Variants in FMN1 observed in about 807,000 individuals in gnomAD.
The protein encoded by FMN1 is formin-1.
A neutral mutation model predicts 132.4 loss-of-function variants in FMN1; 110 were observed. The observed-to-expected ratio is 0.83, with a 90% CI of 0.71 to 0.97. FMN1 has a LOEUF of 0.97. FMN1 is among the 50% of genes least tolerant of loss of function. The pLI is 0.00. For missense variants in FMN1, 1,792 were observed against 1,705.3 expected, an observed-to-expected ratio of 1.05 and a Z score of -0.90; for synonymous variants, 722 against 651.7, an observed-to-expected ratio of 1.11 and a Z score of -1.64.
In FMN1 at chr15:32,774,236, C is replaced by A; in HGVS notation, c.*74G>T. On this transcript the variant is annotated 3_prime_UTR_variant, in exon 21 of 21. Coordinates refer to ENST00000616417, the MANE Select transcript of FMN1 (RefSeq NM_001277313.2). ...TGACACATCTTTCAAGAACGTCCTG[C>A]AACCCTGTGGTCACAAAGAGTATGC... 1 of 1,169,326 alleles carries A rather than the reference C, an allele frequency of 8.6e-7. No individual in the cohort carries two copies. The highest frequency in any genetic ancestry group is 1.4e-5 in the South Asian group (1 of 73,300). 72.4% of individuals were successfully genotyped at this position (1,169,326 alleles called of 1,614,324 possible). A position where few individuals can be genotyped will look rare whatever the true frequency, so the allele number is the denominator to read the frequency against.
chr15:33,024,204 A>C (rs2035557005), intron 6 of FMN1, among the ~76,000 whole-genome samples: 1 of 142,526 alleles, frequency 7.0e-6, no homozygotes, highest in African/African-American at 2.6e-5. Context: ...TACAGGGAAT[A>C]CTATTTCACA....
chr15:33,046,286 T>C (rs1373075573), intron 6 of FMN1, among the ~76,000 whole-genome samples: 2 of 152,142 alleles, frequency 1.3e-5, no homozygotes, highest in East Asian at 3.8e-4. Flanking sequence ...AAAATGTTAA[T>C]AAAGATAACT....
intron 5 of FMN1, among the ~76,000 whole-genome samples, chr15:33,083,633 CT>C (rs1381661959): frequency 6.6e-6 from 1 of 152,152 alleles, no homozygotes; most frequent in East Asian, 1.9e-4. Context: ...CATTTGTATC[CT>C]TTAAAAATAT....
intron 17 of FMN1, among the ~76,000 whole-genome samples, chr15:32,841,872 G>C (rs1173320991): frequency 6.6e-6 from 1 of 152,108 alleles, no homozygotes; most frequent in African/African-American, 2.4e-5. Context: ...AAGCACAAAT[G>C]GTCAGTTTTA....
rs140114914 is a variant in FMN1 at position 32,953,049 on chromosome 15, T to C, written c.3138+11058A>G. ...GCTCTCCCACTCACATGTAAGGGGC[T>C]TGGCGGCTAAGAAATCCAGCTGGAA... On this transcript the variant is annotated intron_variant, in intron 9 of 20. Coordinates refer to ENST00000616417, the MANE Select transcript of FMN1 (RefSeq NM_001277313.2). Among the ~76,000 whole-genome samples the C allele has an allele frequency of 6.6e-5, 10 of 152,336 alleles. No individual in the cohort carries two copies. In the East Asian group the frequency reaches 1.7e-3, roughly 27 times the overall value.
In FMN1 at chr15:33,088,976, T is replaced by TA. The variant is rs1370925588; in HGVS notation, c.1868-3dup. 3.9e-6 allele frequency: 6 copies of TA among 1,529,362 alleles called. No homozygotes were observed. In the East Asian group the frequency reaches 1.5e-4, roughly 37 times the overall value. 94.7% of individuals were successfully genotyped at this position (1,529,362 alleles called of 1,614,324 possible). The stretch of plus-strand genomic sequence containing the variant: ...AGGGAAAGCCCTCAGAGGAGATACC[T>TA]AAACAAACACAGAGAAGGCCATCAG... On this transcript the variant is annotated splice_polypyrimidine_tract_variant and splice_region_variant and intron_variant, in intron 4 of 20. Transcript: ENST00000616417.
intron 7 of FMN1, among the ~76,000 whole-genome samples, chr15:33,004,533 A>G (rs111630624): frequency 0.03 from 4,566 of 152,306 alleles, 233 homozygotes; most frequent in African/African-American, 0.1. Context: ...TAAAGTCAGG[A>G]AACAACAGGT....
At chr15:32,775,649 G>A (rs2056392297) in intron 20 of FMN1, among the ~76,000 whole-genome samples, 1 of 152,172 alleles carries the variant, frequency 6.6e-6, no homozygotes, top group Non-Finnish European at 1.5e-5. Context: ...CTCAACCATG[G>A]CTTTCCCCGA....
chr15:32,887,370 GTATT>G (rs2059921130), intron 16 of FMN1, among the ~76,000 whole-genome samples: 1 of 152,098 alleles, frequency 6.6e-6, no homozygotes, highest in Non-Finnish European at 1.5e-5. Flanking sequence ...TCCAAGGCAA[GTATT>G]TATATTCTTG....
At chr15:33,078,643 A>AC (rs1303818980) in intron 5 of FMN1, among the ~76,000 whole-genome samples, 1 of 135,282 alleles carries the variant, frequency 7.4e-6, no homozygotes, top group Non-Finnish European at 1.6e-5. Flanking sequence ...CCAAAAGGCA[A>AC]CAAAAAAAAA....
At position 32,953,227 on chromosome 15, in the gene FMN1, TTCTGGCAGGGGCC is replaced by T. The variant is rs1353047314; in HGVS notation, c.3138+10867_3138+10879del. On this transcript the variant is annotated intron_variant, in intron 9 of 20. Transcript: ENST00000616417. ...TGGCAGAGCTGTGGCTTTTCGTAAC[TTCTGGCAGGGGCC>T]TCGCTGACCCATAACATGACGACAC... Among the ~76,000 whole-genome samples the T allele has an allele frequency of 3.9e-5, 6 of 152,348 alleles. No homozygotes were observed. In the East Asian group the frequency reaches 9.6e-4, roughly 24 times the overall value.
intron 10 of FMN1, among the ~76,000 whole-genome samples, chr15:32,923,655 A>C (rs946949779): frequency 6.6e-6 from 1 of 152,198 alleles, no homozygotes; most frequent in Non-Finnish European, 1.5e-5. Context: ...TATCTAGAGT[A>C]TAACATTGGA....
intron 16 of FMN1, among the ~76,000 whole-genome samples, chr15:32,879,659 C>G (rs533067181): frequency 6.6e-6 from 1 of 151,420 alleles, no homozygotes; most frequent in African/African-American, 2.4e-5. Context: ...GAAGTATGAT[C>G]GGCTCCATTT....
chr15:32,914,655 T>C (rs116513024), intron 10 of FMN1, among the ~76,000 whole-genome samples: 1,703 of 152,320 alleles, frequency 0.011, 31 homozygotes, highest in African/African-American at 0.039. Context: ...GAATCTATTG[T>C]AATGGGCAAG....
intron 17 of FMN1, among the ~76,000 whole-genome samples, chr15:32,814,549 A>T (rs563663713): frequency 1.2e-3 from 182 of 152,328 alleles, no homozygotes; most frequent in Non-Finnish European, 1.9e-3. Flanking sequence ...AAAGAAGCTA[A>T]ATTTTTAAAA....
At chr15:33,029,637 C>G (rs1382761438) in intron 6 of FMN1, among the ~76,000 whole-genome samples, 2 of 151,950 alleles carry the variant, frequency 1.3e-5, no homozygotes, top group Non-Finnish European at 2.9e-5. Flanking sequence ...CACATGGCTG[C>G]TATAGAAGGC....
chr15:32,899,492 G>C (rs1381492165), intron 14 of FMN1, among the ~76,000 whole-genome samples: 3 of 152,194 alleles, frequency 2.0e-5, no homozygotes, highest in Admixed American at 1.3e-4. Flanking sequence ...TTTCTAAAGA[G>C]GTAGCGCCAC....
rs922277052 is a variant in FMN1 at position 32,979,517 on chromosome 15, T to C, written c.2224-10040A>G. On this transcript the variant is annotated intron_variant, in intron 7 of 20. Coordinates refer to ENST00000616417, the MANE Select transcript of FMN1 (RefSeq NM_001277313.2). ...CTTGTAGTGAGCGGAGATTGTGCCA[T>C]TGCACTGCAGCCTGCGCAACAGAGC... Among the ~76,000 whole-genome samples, 16 of 142,908 alleles carry C rather than the reference T, an allele frequency of 1.1e-4. No individual in the cohort carries two copies. The East Asian group carries it at 1.6e-3, about 15-fold the overall frequency. The allele number at this position is 142,908 out of a possible 152,430, so 93.8% of individuals were successfully genotyped here.
chr15:32,775,681 T>C (rs1213347992), intron 20 of FMN1, among the ~76,000 whole-genome samples: 1 of 152,224 alleles, frequency 6.6e-6, no homozygotes, highest in African/African-American at 2.4e-5. Flanking sequence ...AGCCCGGACT[T>C]CTCCATTTCT....
Sources: allele counts gnomAD v4.1 joint callset (sites outside exome capture counted in the v4.1 genomes callset), GRCh38; gene constraint gnomAD v4.1.1; transcripts MANE v1.5; gene names NCBI Gene and HGNC (gene_info 2026-07-23, HGNC 2026-07-21).